Variants in DLEU7 observed in about 807,000 individuals in gnomAD.
The protein encoded by DLEU7 is deleted in lymphocytic leukemia 7.
DLEU7 carries 17 observed loss-of-function variants against 16.0 expected under a neutral mutation model. The ratio of observed to expected loss-of-function variants is 1.06; its 90% CI spans 0.73 to 1.59. DLEU7 has a LOEUF of 1.59. Ranked by LOEUF, DLEU7 falls within the 40% of genes most tolerant of loss-of-function variation. The probability of loss-of-function intolerance (pLI) is 0.00; values close to 1 mark genes in which losing one functional copy is unlikely to be tolerated. For missense variants in DLEU7, 308 were observed against 314.9 expected (o/e 0.98, Z 0.17); for synonymous variants, 113 against 139.8 (o/e 0.81, Z 1.35).
intron 1 of DLEU7, among the ~76,000 whole-genome samples, chr13:50,770,382 C>T (rs572078061): frequency 6.6e-6 from 1 of 152,236 alleles, no homozygotes; most frequent in East Asian, 1.9e-4. Context: ...AGGTTTTGCC[C>T]ATTCAGTATG....
Position 50,712,941 on chromosome 13 carries a change from G to A in DLEU7, c.*276C>T, listed in dbSNP as rs200385246. ...TTGTCACGATCTTCTTAATGGAAGC[G>A]GCTCTAATTGGAGCAAGATGACAGG... On this transcript the variant is annotated 3_prime_UTR_variant, in exon 2 of 2. Transcript: ENST00000400393. 5.4e-5 allele frequency: 22 copies of A among 408,980 alleles called. No homozygotes were observed. The Middle Eastern group carries it at 3.2e-3, about 60-fold the overall frequency. The allele number at this position is 408,980 out of a possible 1,614,324, so 25.3% of individuals were successfully genotyped here.
At chr13:50,741,136 C>T (rs185137413) in intron 1 of DLEU7, among the ~76,000 whole-genome samples, 5 of 152,246 alleles carry the variant, frequency 3.3e-5, no homozygotes, top group Middle Eastern at 3.4e-3. Flanking sequence ...GAACAATGCT[C>T]CAAACAGAAG....
At chr13:50,771,541 C>G (rs80130400) in intron 1 of DLEU7, among the ~76,000 whole-genome samples, 2 of 152,156 alleles carry the variant, frequency 1.3e-5, no homozygotes, top group Non-Finnish European at 2.9e-5. Flanking sequence ...CATTCAGGAG[C>G]AGGTTGTTCA....
intron 1 of DLEU7, among the ~76,000 whole-genome samples, chr13:50,731,348 A>C (rs1018360688): frequency 3.3e-5 from 5 of 152,246 alleles, no homozygotes; most frequent in African/African-American, 1.2e-4. Context: ...ACTTGTAGTC[A>C]AGGCCCTCCA....
intron 1 of DLEU7, among the ~76,000 whole-genome samples, chr13:50,792,863 C>CTTT (rs34476833): frequency 4.8e-5 from 7 of 145,412 alleles, no homozygotes; most frequent in Non-Finnish European, 6.0e-5. Flanking sequence ...CTTTGCTCCT[C>CTTT]TTTTTTTTTT....
At chr13:50,763,646 C>T (rs1413292800) in intron 1 of DLEU7, among the ~76,000 whole-genome samples, 1 of 152,186 alleles carries the variant, frequency 6.6e-6, no homozygotes, top group African/African-American at 2.4e-5. Flanking sequence ...GAATGAAATA[C>T]TCAGCCAGCC....
chr13:50,815,204 G>A (rs986917991), intron 1 of DLEU7, among the ~76,000 whole-genome samples: 8 of 151,996 alleles, frequency 5.3e-5, no homozygotes, highest in African/African-American at 1.9e-4. Context: ...CTTGGAAATT[G>A]TAATGTAATG....
intron 1 of DLEU7, among the ~76,000 whole-genome samples, chr13:50,736,416 C>T (rs1374568515): frequency 6.6e-6 from 1 of 152,008 alleles, no homozygotes; most frequent in African/African-American, 2.4e-5. Context: ...GGCTTAGTAC[C>T]TGAGTGACAA....
intron 1 of DLEU7, among the ~76,000 whole-genome samples, chr13:50,722,627 A>G (rs1476304103): frequency 1.3e-5 from 2 of 152,240 alleles, no homozygotes; most frequent in Non-Finnish European, 2.9e-5. Context: ...ATCTATTTAA[A>G]GCACACTCAG....
chr13:50,793,386 G>T (rs1232792060), intron 1 of DLEU7, among the ~76,000 whole-genome samples: 1 of 152,148 alleles, frequency 6.6e-6, no homozygotes, highest in Non-Finnish European at 1.5e-5. Flanking sequence ...AGATTGCTGG[G>T]TCAAATGATA....
chr13:50,747,423 G>A (rs1050816308), intron 1 of DLEU7, among the ~76,000 whole-genome samples: 15 of 151,036 alleles, frequency 9.9e-5, no homozygotes, highest in African/African-American at 3.7e-4. Flanking sequence ...TGTGTGTTTG[G>A]GGGGCACATA....
intron 1 of DLEU7, among the ~76,000 whole-genome samples, chr13:50,815,694 C>G (rs1008205579): frequency 2.6e-5 from 4 of 152,106 alleles, no homozygotes; most frequent in African/African-American, 9.7e-5. Flanking sequence ...CACAGGCCCA[C>G]TTATGGTGCA....
chr13:50,732,605 T>TCA (rs1873943608), intron 1 of DLEU7, among the ~76,000 whole-genome samples: 1 of 14,110 alleles, frequency 7.1e-5, no homozygotes, highest in Non-Finnish European at 1.3e-4. Context: ...AGACTCCATC[T>TCA]CAAAAAAAAA....
chr13:50,824,566 T>C (rs947749655), intron 1 of DLEU7, among the ~76,000 whole-genome samples: 3 of 152,144 alleles, frequency 2.0e-5, no homozygotes, highest in Admixed American at 2.0e-4. Context: ...TATGAAGAAA[T>C]GAAAGTTAGT....
intron 1 of DLEU7, among the ~76,000 whole-genome samples, chr13:50,749,087 T>C (rs1248967973): frequency 1.3e-5 from 2 of 149,348 alleles, no homozygotes; most frequent in Non-Finnish European, 3.0e-5. Context: ...ACCATTCTTA[T>C]ACCTTTGTGT....
intron 1 of DLEU7, among the ~76,000 whole-genome samples, chr13:50,742,281 A>T (rs183244121): frequency 6.6e-6 from 1 of 152,330 alleles, no homozygotes; most frequent in Non-Finnish European, 1.5e-5. Context: ...AAAATTAAAA[A>T]TTACTTGCTT....
At chr13:50,785,236 C>A (rs1357388338) in intron 1 of DLEU7, among the ~76,000 whole-genome samples, 1 of 152,102 alleles carries the variant, frequency 6.6e-6, no homozygotes, top group Non-Finnish European at 1.5e-5. Flanking sequence ...GATGGATGCA[C>A]CCGGAATCAG....
intron 1 of DLEU7, among the ~76,000 whole-genome samples, chr13:50,731,125 C>T (rs1288457857): frequency 1.3e-5 from 2 of 152,162 alleles, no homozygotes; most frequent in South Asian, 2.1e-4. Flanking sequence ...CCAGAGTGGT[C>T]GTCGGCCAAG....
intron 1 of DLEU7, among the ~76,000 whole-genome samples, chr13:50,746,532 A>G (rs1326749640): frequency 6.6e-6 from 1 of 152,222 alleles, no homozygotes; most frequent in Non-Finnish European, 1.5e-5. Flanking sequence ...AAATAAAGAC[A>G]TTTTGAACAT....
Sources: allele counts gnomAD v4.1 joint callset (sites outside exome capture counted in the v4.1 genomes callset), GRCh38; gene constraint gnomAD v4.1.1; transcripts MANE v1.5; gene names NCBI Gene and HGNC (gene_info 2026-07-23, HGNC 2026-07-21).